The following THADA variants were observed in gnomAD, a reference collection of about 807,000 sequenced individuals.
The protein encoded by THADA is tRNA (32-2'-O)-methyltransferase regulator THADA.
Under a neutral mutation model 219.8 loss-of-function variants are expected in THADA, and 213 were observed. The ratio of observed to expected loss-of-function variants is 0.97; its 90% CI spans 0.87 to 1.09. The LOEUF (loss-of-function observed/expected upper bound fraction) is 1.09. Among genes scored for constraint, THADA ranks in the 50% least tolerant of loss-of-function variants. The probability of loss-of-function intolerance (pLI) is 0.00; values close to 1 mark genes in which losing one functional copy is unlikely to be tolerated. For missense variants in THADA, 2,956 were observed against 2,311.3 expected (o/e 1.28, Z -5.72); for synonymous variants, 1,018 against 828.9 (o/e 1.23, Z -3.92).
At chr2:43,391,087 G>A (rs1328772680) in intron 29 of THADA, among the ~76,000 whole-genome samples, 1 of 152,104 alleles carries the variant, frequency 6.6e-6, no homozygotes, top group African/African-American at 2.4e-5. Context: ...CTCACCAGTA[G>A]GATGGGAATA....
chr2:43,465,865 T>G (rs1334208019), intron 26 of THADA, among the ~76,000 whole-genome samples: 2 of 152,172 alleles, frequency 1.3e-5, no homozygotes, highest in African/African-American at 4.8e-5. Context: ...GGGGCAAAAC[T>G]GAACTTGGTA....
chr2:43,389,649 C>T (rs1050657184), intron 29 of THADA, among the ~76,000 whole-genome samples: 2 of 152,218 alleles, frequency 1.3e-5, no homozygotes, highest in Non-Finnish European at 2.9e-5. Context: ...CACATCCTCT[C>T]TCCTTGACAC....
chr2:43,358,046 G>C (rs1317212553), intron 29 of THADA, among the ~76,000 whole-genome samples: 1 of 152,100 alleles, frequency 6.6e-6, no homozygotes, highest in Non-Finnish European at 1.5e-5. Flanking sequence ...CATAGGCACA[G>C]TATTATTAAC....
At chr2:43,380,880 C>T (rs1157263726) in intron 29 of THADA, among the ~76,000 whole-genome samples, 1 of 152,026 alleles carries the variant, frequency 6.6e-6, no homozygotes, top group Admixed American at 6.6e-5. Flanking sequence ...GGGTGGATCA[C>T]CTGAGGTTAG....
intron 22 of THADA, among the ~76,000 whole-genome samples, chr2:43,525,512 C>T (rs1693061946): frequency 6.6e-6 from 1 of 152,260 alleles, no homozygotes; most frequent in Non-Finnish European, 1.5e-5. Context: ...AGCAAGCTGC[C>T]ATATAAGAAT....
At chr2:43,332,646 C>T (rs1665924156) in intron 30 of THADA, among the ~76,000 whole-genome samples, 1 of 152,194 alleles carries the variant, frequency 6.6e-6, no homozygotes, top group Non-Finnish European at 1.5e-5. Flanking sequence ...TACATTAGGG[C>T]TTTACATAAT....
chr2:43,584,047 A>AAAAAAAAAAAAAAG (rs1700749793), intron 7 of THADA, among the ~76,000 whole-genome samples: 1 of 151,066 alleles, frequency 6.6e-6, no homozygotes. Flanking sequence ...TAAAAAAAAA[A>AAAAAAAAAAAAAAG]AAAAAAAAAA....
intron 29 of THADA, among the ~76,000 whole-genome samples, chr2:43,345,841 G>C (rs1446598213): frequency 6.6e-6 from 1 of 152,172 alleles, no homozygotes; most frequent in Non-Finnish European, 1.5e-5. Flanking sequence ...ATTTTCAAAT[G>C]CTTCTCATTT....
intron 24 of THADA, among the ~76,000 whole-genome samples, chr2:43,500,586 CA>C (rs1158668601): frequency 6.6e-6 from 1 of 151,988 alleles, no homozygotes; most frequent in Non-Finnish European, 1.5e-5. Context: ...TAAAAAGATG[CA>C]AAAAATATTC....
chr2:43,442,110 G>A (rs749893345), intron 26 of THADA, among the ~76,000 whole-genome samples: 2 of 152,010 alleles, frequency 1.3e-5, no homozygotes, highest in Non-Finnish European at 2.9e-5. Context: ...CATTTGGGTC[G>A]GGGACATCAT....
chr2:43,496,426 T>C (rs1036538211), intron 25 of THADA, among the ~76,000 whole-genome samples: 2 of 152,220 alleles, frequency 1.3e-5, no homozygotes, highest in East Asian at 1.9e-4. Flanking sequence ...CGACTCAGTA[T>C]TTAACCTCTT....
intron 35 of THADA, among the ~76,000 whole-genome samples, chr2:43,280,682 G>A (rs986823101): frequency 6.6e-6 from 1 of 152,036 alleles, no homozygotes; most frequent in African/African-American, 2.4e-5. Flanking sequence ...ACAAAAAAAA[G>A]AGACCCATGA....
At chr2:43,253,485 C>T (rs183785450) in intron 36 of THADA, among the ~76,000 whole-genome samples, 2 of 152,286 alleles carry the variant, frequency 1.3e-5, no homozygotes, top group East Asian at 3.9e-4. Context: ...TTTCTCAATC[C>T]TCATCGTCCT....
intron 29 of THADA, among the ~76,000 whole-genome samples, chr2:43,352,670 AGGGAGAGG>A (rs1668415063): frequency 6.6e-6 from 1 of 151,976 alleles, no homozygotes; most frequent in Admixed American, 6.6e-5. Flanking sequence ...TTATGAGGAG[AGGGAGAGG>A]GGGAGAGAGA....
intron 28 of THADA, among the ~76,000 whole-genome samples, chr2:43,427,780 C>G (rs1483846796): frequency 6.7e-6 from 1 of 149,210 alleles, no homozygotes; most frequent in Admixed American, 6.7e-5. Flanking sequence ...CACAGTGAAA[C>G]CCCATCTCTA....
At chr2:43,372,997 A>G (rs1670980852) in intron 29 of THADA, among the ~76,000 whole-genome samples, 1 of 152,160 alleles carries the variant, frequency 6.6e-6, no homozygotes, top group Non-Finnish European at 1.5e-5. Flanking sequence ...AGCCAAGTCT[A>G]GTAAGTATTT....
At chr2:43,422,708 C>T (rs1051678997) in intron 28 of THADA, among the ~76,000 whole-genome samples, 2 of 152,164 alleles carry the variant, frequency 1.3e-5, no homozygotes, top group Admixed American at 1.3e-4. Context: ...CTCATCCCAT[C>T]AATCCAGTCT....
chr2:43,496,807 A>G (rs1400009655), intron 25 of THADA, among the ~76,000 whole-genome samples: 3 of 152,196 alleles, frequency 2.0e-5, no homozygotes, highest in Non-Finnish European at 2.9e-5. Flanking sequence ...CATATGATAT[A>G]CCCAAAAGAA....
chr2:43,269,524 C>G (rs1038083508), intron 36 of THADA, among the ~76,000 whole-genome samples: 2 of 152,186 alleles, frequency 1.3e-5, no homozygotes, highest in African/African-American at 2.4e-5. Context: ...GACGCACTCG[C>G]TGAGATGCAG....
Sources: gnomAD v4.1 joint callset for allele counts (sites outside exome capture counted in the v4.1 genomes callset) on GRCh38, gnomAD v4.1.1 for gene constraint, MANE v1.5 for transcripts, NCBI Gene and HGNC (gene_info 2026-07-23, HGNC 2026-07-21) for gene names.